POLG: variants seen among roughly 807,000 people sequenced by gnomAD.
POLG encodes DNA polymerase gamma, catalytic subunit, also known as DNA polymerase subunit gamma-1.
In POLG, 110 loss-of-function variants were observed where a neutral mutation model predicts 155.4. That is an observed-to-expected ratio of 0.71 (90% CI 0.61 to 0.83). POLG has a LOEUF of 0.83. POLG is among the 40% of genes least tolerant of loss of function. The probability of loss-of-function intolerance (pLI) is 0.00; values close to 1 mark genes in which losing one functional copy is unlikely to be tolerated. For missense variants in POLG, 1,685 were observed against 1,627.5 expected (o/e 1.04, Z -0.61); for synonymous variants, 701 against 631.5 (o/e 1.11, Z -1.65).
Position 89,316,445 on chromosome 15 carries a change from AAAAGGAAAAAAT to A in POLG, c.*294_*305del. The A allele has an allele frequency of 6.2e-7, 1 of 1,611,022 alleles. No individual in the cohort carries two copies. Among genetic ancestry groups the A allele is most frequent in the Non-Finnish European group, 8.5e-7 (1 of 1,178,128 alleles). On this transcript the variant is annotated 3_prime_UTR_variant, in exon 23 of 23. Transcript: ENST00000268124. Reference sequence around the variant, plus strand: ...ACAGAACAAAGAACCAGCCAAGAAGAAAAGGAAAAAATAAATGAAATGCCTGAGTTAATGTGA... The same window carrying A: ...ACAGAACAAAGAACCAGCCAAGAAGAAAATGAAATGCCTGAGTTAATGTGA...
Position 89,333,208 on chromosome 15 carries a change from C to G in POLG, c.547G>C (p.Glu183Gln), listed in dbSNP as rs762582785. Residue 183 changes from glutamate to glutamine, a missense_variant, in exon 2 of 23, where the codon GAG becomes CAG. Around this residue, in one of 3 missense-constraint regions of POLG, gnomAD observed 1,210 missense variants for 1,167.1 expected, o/e 1.04. Coordinates refer to ENST00000268124, the MANE Select transcript of POLG (RefSeq NM_002693.3). ...EGWTRYGPEG[E>Q]AVPVAIPEER... is the part of the protein sequence containing the mutation. ...TCGGGGATGGCCACGGGTACGGCCT[C>G]CCCCTCGGGGCCGTACCGGGTCCAG... 2.7e-5 allele frequency: 42 copies of G among 1,575,312 alleles called. No individual in the cohort carries two copies. The highest frequency in any genetic ancestry group is 5.4e-5 in the African/African-American group (4 of 73,838).
chr15:89,329,788 T>C (rs1164624533), intron 3 of POLG, among the ~76,000 whole-genome samples: 1 of 152,120 alleles, frequency 6.6e-6, no homozygotes, highest in Non-Finnish European at 1.5e-5. Context: ...AGGCAGGAAG[T>C]GAGCCCAGGC....
At chr15:89,320,739 T>TAA in intron 18 of POLG, 27 bp downstream of exon 18, 1 of 1,611,286 alleles carries the variant, frequency 6.2e-7, no homozygotes, top group Non-Finnish European at 8.5e-7. Context: ...TCCTGGGTGT[T>TAA]AAAGTGGATG....
Position 89,320,731 on chromosome 15 carries a change from CTGGGTGTTAAAGTGGA to C in POLG, c.2981+19_2981+34del. 6.2e-7 allele frequency: 1 copy of C among 1,610,484 alleles called. No homozygotes were observed. Among genetic ancestry groups the C allele is most frequent in the Non-Finnish European group, 8.5e-7 (1 of 1,179,730 alleles). On this transcript the variant is annotated intron_variant, in intron 18 of 22. Coordinates refer to ENST00000268124, the MANE Select transcript of POLG (RefSeq NM_002693.3). ...AGGACAGTAAAGCAGGCCTCGGGTC[CTGGGTGTTAAAGTGGA>C]TGGGAGAGGGACCCTCACCAGCGGA...
chr15:89,321,067 C>A, intron 17 of POLG, 55 bp from the exon 18 acceptor site: 1 of 1,595,532 alleles, frequency 6.3e-7, no homozygotes, highest in Non-Finnish European at 8.5e-7. Flanking sequence ...GCCCAATGTT[C>A]ATCAGAACTG....
chr15:89,327,182 A>C lies in POLG; in HGVS notation c.1418T>G (p.Leu473Arg). 6.2e-7 allele frequency: 1 copy of C among 1,614,254 alleles called. No homozygotes were observed. The highest frequency in any genetic ancestry group is 1.1e-5 in the South Asian group (1 of 91,090). ...LMDLANDACQ[L>R]LSGERYKEDP... ...GCCTGGCTACCTCTCTCCTGAGAGC[A>C]GCTGGCAGGCATCATTGGCCAGATC... The change falls in exon 7 of 23, where the codon CTG becomes CGG. Residue 473 changes from leucine to arginine, a missense_variant. Physicochemically the swap from Leu to Arg is moderately radical, Grantham distance 102 (BLOSUM62 -2). Around this residue, in one of 3 missense-constraint regions of POLG, gnomAD observed 1,210 missense variants for 1,167.1 expected, o/e 1.04. Coordinates refer to ENST00000268124, the MANE Select transcript of POLG (RefSeq NM_002693.3).
At chr15:89,316,965 CAT>C in intron 22 of POLG, 138 bp from the exon 23 acceptor site, 1 of 721,798 alleles carries the variant, frequency 1.4e-6, no homozygotes, top group Non-Finnish European at 2.5e-6. Flanking sequence ...GGTAATGTTA[CAT>C]GTTAGGAGGG....
intron 21 of POLG, chr15:89,317,787 C>CTTTA (rs1316259155): frequency 1.9e-6 from 1 of 526,644 alleles, no homozygotes; most frequent in Non-Finnish European, 3.4e-6. Context: ...GTTTGGTACA[C>CTTTA]TTTATTAATT....
Position 89,326,719 on chromosome 15 carries a change from C to T in POLG, c.1605G>A (p.Glu535=). ...MDQEDLGPCS[E]EEEFQQDVMA... is the part of the protein sequence containing the mutation. ...TGACATCTTGTTGAAACTCCTCCTC[C>T]TCACTGCAGGGGCCGAGGTCTGTGA... The change falls in exon 9 of 23, where the codon GAG becomes GAA. Residue 535 remains glutamate, a synonymous_variant. Coordinates refer to ENST00000268124, the MANE Select transcript of POLG (RefSeq NM_002693.3). 1 of 1,614,140 alleles carries T rather than the reference C, an allele frequency of 6.2e-7. No homozygotes were observed. The highest frequency in any genetic ancestry group is 8.5e-7 in the Non-Finnish European group (1 of 1,180,030).
chr15:89,321,772 A>G lies in POLG; in HGVS notation c.2562T>C (p.Ala854=), dbSNP rs991145888. The stretch of plus-strand genomic sequence containing the variant: ...TGGCGGTGAGCCATGTGGGCTCCAC[A>G]GCCCGGCGAGTGATGGTGCCGGCAG... ...VVTAGTITRR[A]VEPTWLTASN... The change falls in exon 16 of 23, where the codon GCT becomes GCC. Residue 854 remains alanine, a synonymous_variant. Transcript: ENST00000268124. 1 of 1,614,116 alleles carries G rather than the reference A, an allele frequency of 6.2e-7. No homozygotes were observed. The highest frequency in any genetic ancestry group is 8.5e-7 in the Non-Finnish European group (1 of 1,179,998).
chr15:89,327,399 C>T (rs1178290235), intron 6 of POLG, 50 bp from the exon 7 acceptor site: 1 of 1,559,920 alleles, frequency 6.4e-7, no homozygotes, highest in East Asian at 2.2e-5. Context: ...GGAGGCAAGA[C>T]TGGCCCAATC....
intron 10 of POLG, 152 bp from the exon 11 acceptor site, chr15:89,324,379 A>C: frequency 1.1e-6 from 1 of 871,554 alleles, no homozygotes; most frequent in South Asian, 1.4e-5. Flanking sequence ...GGTTTTAGAC[A>C]GGGATTGATT....
chr15:89,324,284 C>A, intron 10 of POLG, 57 bp from the exon 11 acceptor site: 14 of 1,597,260 alleles, frequency 8.8e-6, no homozygotes, highest in Non-Finnish European at 1.2e-5. Flanking sequence ...CACTCTGGGC[C>A]AGGCAGCTTG....
At position 89,327,294 on chromosome 15, in the gene POLG, G is replaced by C. The variant is rs1332974949; in HGVS notation, c.1306C>G (p.Pro436Ala). 1 of 1,614,130 alleles carries C rather than the reference G, an allele frequency of 6.2e-7. No individual in the cohort carries two copies. The highest frequency in any genetic ancestry group is 8.5e-7 in the Non-Finnish European group (1 of 1,180,030). ...GMLEMGVSYL[P>A]VNQNWERYLA... ...TAACGCTCCCAGTTCTGGTTGACAG[G>C]CAGGTAGGAGACACCCATCTCCAGC... is the stretch of plus-strand genomic sequence containing the variant. The change falls in exon 7 of 23, where the codon CCT becomes GCT. Residue 436 changes from proline (P) to alanine (A), a missense_variant. Coordinates refer to ENST00000268124, the MANE Select transcript of POLG (RefSeq NM_002693.3).
In POLG at chr15:89,321,739, G is replaced by C; in HGVS notation, c.2595C>G (p.Ala865=). The C allele has an allele frequency of 6.2e-7, 1 of 1,609,420 alleles. No homozygotes were observed. The highest frequency in any genetic ancestry group is 8.5e-7 in the Non-Finnish European group (1 of 1,175,938). The change falls in exon 16 of 23, where the codon GCC becomes GCG. Residue 865 remains alanine, a synonymous_variant. Transcript: ENST00000268124. ...CAGAGGTACAGAGGTCACATACCCG[G>C]GCATTGCTGGCGGTGAGCCATGTGG... is the stretch of plus-strand genomic sequence containing the variant. ...VEPTWLTASN[A]RPDRVGSELK...
chr15:89,325,139 T>TGAGAGAGAGA (rs749199152), intron 10 of POLG, among the ~76,000 whole-genome samples: 1 of 36,824 alleles, frequency 2.7e-5, no homozygotes, highest in African/African-American at 1.3e-4. Context: ...AGAGAGTGAG[T>TGAGAGAGAGA]GAGAGAGTGA....
chr15:89,317,816 C>T (rs1269626391), intron 21 of POLG: 1 of 460,846 alleles, frequency 2.2e-6, no homozygotes, highest in South Asian at 2.2e-5. Context: ...AAATCACTTC[C>T]AATTGGGCCA....
chr15:89,321,509 G>A (rs533703451), intron 16 of POLG, among the ~76,000 whole-genome samples: 1 of 152,210 alleles, frequency 6.6e-6, no homozygotes. Context: ...TTCCATGAGA[G>A]CTGTAGCTAT....
chr15:89,318,656 A>G lies in POLG; in HGVS notation c.3367T>C (p.Phe1123Leu), dbSNP rs1296528752. 3 of 1,614,184 alleles carry G rather than the reference A, an allele frequency of 1.9e-6. No individual in the cohort carries two copies. The highest frequency in any genetic ancestry group is 2.5e-6 in the Non-Finnish European group (3 of 1,180,006). ...LVAMKWLFEE[F>L]AIDGRFCISI... ...ATGCAGAAGCGCCCATCTATGGCAA[A>G]CTCTTCAAACAGCCACTTCATGGCC... Residue 1123 changes from phenylalanine (F) to leucine (L), a missense_variant, in exon 21 of 23, where the codon TTT (phenylalanine) becomes CTT (leucine). By Grantham distance (22) the Phe-to-Leu change is conservative (BLOSUM62 0). Transcript: ENST00000268124.
Sources: gnomAD v4.1 joint callset for allele counts (sites outside exome capture counted in the v4.1 genomes callset) on GRCh38, gnomAD v4.1.1 for gene constraint, gnomAD v4.1.1 regional missense constraint, MANE v1.5 for transcripts, NCBI Gene and HGNC (gene_info 2026-07-23, HGNC 2026-07-21) for gene names.